PTPRT: variants seen among roughly 807,000 people sequenced by gnomAD.
The protein encoded by PTPRT is protein tyrosine phosphatase receptor type T, also known as receptor-type tyrosine-protein phosphatase T.
In PTPRT, 56 loss-of-function variants were observed where a neutral mutation model predicts 176.8. The observed-to-expected ratio is 0.32, with a 90% CI of 0.26 to 0.40. PTPRT has a LOEUF of 0.40. Ranked by LOEUF, PTPRT falls within the 10% of genes least tolerant of loss-of-function variation. The pLI, the probability that PTPRT is intolerant of heterozygous loss-of-function variation, is 1.00. For missense variants in PTPRT, 1,540 were observed against 1,908.2 expected, an observed-to-expected ratio of 0.81 and a Z score of 3.60; for synonymous variants, 783 against 739.0, an observed-to-expected ratio of 1.06 and a Z score of -0.96.
chr20:43,181,104 T>C (rs1236397639), intron 1 of PTPRT, among the ~76,000 whole-genome samples: 1 of 152,184 alleles, frequency 6.6e-6, no homozygotes, highest in African/African-American at 2.4e-5. Context: ...GCGTGGCCTC[T>C]AGCAAACAGC....
At chr20:42,316,059 T>A in intron 11 of PTPRT, 63 bp from the exon 12 acceptor site, 3 of 1,557,934 alleles carry the variant, frequency 1.9e-6, no homozygotes, top group Non-Finnish European at 2.6e-6. Flanking sequence ...GCTTGTTAGC[T>A]CTAATGGTGT....
At chr20:42,760,576 G>A (rs1411680299) in intron 5 of PTPRT, among the ~76,000 whole-genome samples, 2 of 152,008 alleles carry the variant, frequency 1.3e-5, no homozygotes, top group African/African-American at 2.4e-5. Context: ...ATTTATCTGA[G>A]CGTTTATCAA....
At chr20:42,562,378 T>C (rs937299196) in intron 7 of PTPRT, among the ~76,000 whole-genome samples, 9 of 152,230 alleles carry the variant, frequency 5.9e-5, no homozygotes, top group Non-Finnish European at 1.3e-4. Flanking sequence ...GCGTCCAGCT[T>C]TGTTTGTTCA....
intron 7 of PTPRT, among the ~76,000 whole-genome samples, chr20:42,539,014 C>T (rs144619923): frequency 1.5e-3 from 225 of 152,292 alleles, no homozygotes; most frequent in African/African-American, 4.6e-3. Flanking sequence ...TATGTACAAA[C>T]TCCTATTTCA....
rs150075773 is a variant in PTPRT, at chr20:42,222,752, A to G, written c.2342+13477T>C. ...TCTCTTCATCAGTATTATTTGTAATATGCTTTATAATAGACCATTAAACAT... is the reference window on the plus strand; with the variant it reads ...TCTCTTCATCAGTATTATTTGTAATGTGCTTTATAATAGACCATTAAACAT... On this transcript the variant is annotated intron_variant, in intron 15 of 30. Transcript: ENST00000373187. Among the ~76,000 whole-genome samples the G allele has an allele frequency of 2.9e-3, 447 of 152,294 alleles. 1 individual carries two copies. Among genetic ancestry groups the G allele is most frequent in the African/African-American group, 0.01 (416 of 41,558 alleles).
At chr20:42,837,826 A>G (rs1360182584) in intron 2 of PTPRT, among the ~76,000 whole-genome samples, 1 of 152,188 alleles carries the variant, frequency 6.6e-6, no homozygotes, top group Non-Finnish European at 1.5e-5. Context: ...AGAAAATAGA[A>G]TAATTTCAGC....
At chr20:42,997,545 T>C (rs1413851511) in intron 1 of PTPRT, among the ~76,000 whole-genome samples, 1 of 152,118 alleles carries the variant, frequency 6.6e-6, no homozygotes, top group South Asian at 2.1e-4. Context: ...AGATACTGCA[T>C]GAAACAGACA....
At chr20:42,246,134 A>G (rs1362324902) in intron 14 of PTPRT, among the ~76,000 whole-genome samples, 1 of 152,140 alleles carries the variant, frequency 6.6e-6, no homozygotes, top group Non-Finnish European at 1.5e-5. Context: ...TCAATTGATC[A>G]GTGTAGTATA....
intron 7 of PTPRT, among the ~76,000 whole-genome samples, chr20:42,614,299 G>T (rs747497092): frequency 6.6e-6 from 1 of 152,064 alleles, no homozygotes; most frequent in Non-Finnish European, 1.5e-5. Context: ...CACACCTAAT[G>T]ACCTTATCTT....
intron 1 of PTPRT, among the ~76,000 whole-genome samples, chr20:43,124,461 A>G (rs1048324434): frequency 5.3e-5 from 8 of 152,146 alleles, no homozygotes; most frequent in African/African-American, 1.9e-4. Flanking sequence ...CCAGGAAATA[A>G]TCCCGGGCTG....
At position 42,076,327 on chromosome 20, in the gene PTPRT, C is replaced by A. The variant is rs959222117; in HGVS notation, c.*4552G>T. Reference sequence around the variant, plus strand: ...TGCCCACATTAGCAACCATGTGACTCCACTTGGACAACAGGCACCACTTTC... The same window carrying A: ...TGCCCACATTAGCAACCATGTGACTACACTTGGACAACAGGCACCACTTTC... On this transcript the variant is annotated 3_prime_UTR_variant, in exon 31 of 31. Coordinates refer to ENST00000373187, the MANE Select transcript of PTPRT (RefSeq NM_007050.6). 1 of 200,078 alleles carries A rather than the reference C, an allele frequency of 5.0e-6. No individual in the cohort carries two copies. The highest frequency in any genetic ancestry group is 1.0e-5 in the Non-Finnish European group (1 of 97,012). 12.4% of individuals were successfully genotyped at this position (200,078 alleles called of 1,614,324 possible).
chr20:42,342,380 T>C (rs774300559), intron 11 of PTPRT, among the ~76,000 whole-genome samples: 2 of 152,214 alleles, frequency 1.3e-5, no homozygotes, highest in Non-Finnish European at 2.9e-5. Context: ...TTAACAAAGC[T>C]ACGTCTTCTC....
At chr20:42,683,583 T>G (rs568827306) in intron 6 of PTPRT, among the ~76,000 whole-genome samples, 1 of 152,266 alleles carries the variant, frequency 6.6e-6, no homozygotes, top group East Asian at 1.9e-4. Flanking sequence ...CAGCCTTCAA[T>G]TACTTTTAAC....
intron 1 of PTPRT, among the ~76,000 whole-genome samples, chr20:42,922,014 C>A (rs959067602): frequency 1.3e-5 from 2 of 152,180 alleles, no homozygotes; most frequent in African/African-American, 4.8e-5. Flanking sequence ...CAGCTCACTG[C>A]AACCTCTGCC....
intron 2 of PTPRT, among the ~76,000 whole-genome samples, chr20:42,796,858 T>C (rs561051148): frequency 6.6e-6 from 1 of 152,332 alleles, no homozygotes; most frequent in East Asian, 1.9e-4. Flanking sequence ...GATACATCTC[T>C]TCTCTCTGAT....
chr20:42,051,688 AT>A, the PTPRT span, among the ~76,000 whole-genome samples: 124 of 152,344 alleles, frequency 8.1e-4, no homozygotes, highest in African/African-American at 2.9e-3. Flanking sequence ...GTTCCTCTAA[AT>A]ACTGAGATAA....
At chr20:42,501,030 A>G (rs906773012) in intron 7 of PTPRT, among the ~76,000 whole-genome samples, 6 of 152,144 alleles carry the variant, frequency 3.9e-5, no homozygotes, top group African/African-American at 1.4e-4. Context: ...GTGAATTTCC[A>G]CAATACTGAC....
intron 9 of PTPRT, among the ~76,000 whole-genome samples, chr20:42,396,801 G>A (rs62203467): frequency 6.6e-6 from 1 of 151,970 alleles, no homozygotes; most frequent in East Asian, 1.9e-4. Context: ...ATGGTTATCT[G>A]CCCACCTTGG....
At chr20:42,290,756 G>C (rs1030132876) in intron 12 of PTPRT, among the ~76,000 whole-genome samples, 1 of 151,934 alleles carries the variant, frequency 6.6e-6, no homozygotes, top group Non-Finnish European at 1.5e-5. Flanking sequence ...GGTCAAGTCT[G>C]ACTCATCTAA....
Sources: gnomAD v4.1 joint callset for allele counts (sites outside exome capture counted in the v4.1 genomes callset) on GRCh38, gnomAD v4.1.1 for gene constraint, MANE v1.5 for transcripts, NCBI Gene and HGNC (gene_info 2026-07-23, HGNC 2026-07-21) for gene names.